Variants in CACTIN observed in about 807,000 individuals in gnomAD.
The protein encoded by CACTIN is cactin, spliceosome C complex subunit.
In CACTIN, 20 loss-of-function variants were observed where a neutral mutation model predicts 84.9. The ratio of observed to expected loss-of-function variants is 0.24; its 90% CI spans 0.17 to 0.34. CACTIN has a LOEUF of 0.34. Ranked by LOEUF, CACTIN falls within the 10% of genes least tolerant of loss-of-function variation. The pLI is 1.00. For missense variants in CACTIN, 897 were observed against 1,117.2 expected (o/e 0.80, Z 2.81); for synonymous variants, 549 against 467.9 (o/e 1.17, Z -2.24).
At chr19:3,620,603 C>T (rs971429445) in intron 3 of CACTIN, 104 bp downstream of exon 3, 2 of 873,678 alleles carry the variant, frequency 2.3e-6, no homozygotes, top group Non-Finnish European at 3.5e-6. Context: ...CTGAAGCCAG[C>T]CCCCAGGACT....
chr19:3,618,428 G>T (rs567333392), intron 6 of CACTIN, among the ~76,000 whole-genome samples: 1 of 152,220 alleles, frequency 6.6e-6, no homozygotes, highest in Non-Finnish European at 1.5e-5. Flanking sequence ...ACACGGAGGG[G>T]GGGGAAACGT....
At chr19:3,612,929 A>C in intron 9 of CACTIN, 129 bp downstream of exon 9, 1 of 1,148,456 alleles carries the variant, frequency 8.7e-7, no homozygotes, top group Non-Finnish European at 1.3e-6. Flanking sequence ...ACGCTCAGAG[A>C]CCCGGGGGAG....
At chr19:3,612,486 C>A in intron 9 of CACTIN, 73 bp from the exon 10 acceptor site, 1 of 1,477,482 alleles carries the variant, frequency 6.8e-7, no homozygotes, top group Non-Finnish European at 8.9e-7. Flanking sequence ...GCCTCTCTGG[C>A]AGGGGCGGCC....
chr19:3,617,805 G>A (rs1210656454), intron 6 of CACTIN, among the ~76,000 whole-genome samples: 1 of 152,208 alleles, frequency 6.6e-6, no homozygotes. Flanking sequence ...CTCTGATGCT[G>A]GAGAACTGCC....
Position 3,610,995 on chromosome 19 carries a change from G to A in CACTIN, c.*928C>T, listed in dbSNP as rs1349840208. 6 of 456,264 alleles carry A rather than the reference G, an allele frequency of 1.3e-5. No individual in the cohort carries two copies. Among genetic ancestry groups the A allele is most frequent in the Admixed American group, 4.7e-5 (2 of 42,528 alleles). 28.3% of individuals were successfully genotyped at this position (456,264 alleles called of 1,614,324 possible). On this transcript the variant is annotated 3_prime_UTR_variant, in exon 10 of 10. Transcript: ENST00000429344. The stretch of plus-strand genomic sequence containing the variant: ...GCCTGAGAAAGGGGAGTGAGAAGGA[G>A]CCACTGTCCTGATATGGGCAAAACT...
At position 3,624,029 on chromosome 19, in the gene CACTIN, G is replaced by C; in HGVS notation, c.301C>G (p.Arg101Gly). Residue 101 changes from arginine (R) to glycine (G), a missense_variant, in exon 2 of 10, where the codon CGC becomes GGC. Physicochemically the swap from Arg to Gly is moderately radical, Grantham distance 125 (BLOSUM62 -2). Around this residue, in one of 8 missense-constraint regions of CACTIN, gnomAD observed 261 missense variants for 243.8 expected, o/e 1.07. Coordinates refer to ENST00000429344, the MANE Select transcript of CACTIN (RefSeq NM_001080543.2). ...GEEQSRGQWA[R>G]RRRRARSWSP... ...CACGAGCGTGCGCGCCGTCGCCGGC[G>C]AGCCCACTGGCCCCGTGACTGCTCC... 6.2e-7 allele frequency: 1 copy of C among 1,605,396 alleles called. No homozygotes were observed. The highest frequency in any genetic ancestry group is 8.5e-7 in the Non-Finnish European group (1 of 1,179,648).
intron 2 of CACTIN, 95 bp from the exon 3 acceptor site, chr19:3,620,897 T>C: frequency 1.0e-6 from 1 of 985,552 alleles, no homozygotes; most frequent in Non-Finnish European, 1.6e-6. Context: ...GGGCCCTTGT[T>C]TTGCAGAGAG....
chr19:3,624,265 T>G, intron 1 of CACTIN, 103 bp from the exon 2 acceptor site: 2 of 1,103,412 alleles, frequency 1.8e-6, no homozygotes, highest in South Asian at 3.0e-5. Flanking sequence ...TTCTAGGTTC[T>G]GGGGACACAG....
chr19:3,617,173 G>A (rs1373650195), intron 6 of CACTIN, among the ~76,000 whole-genome samples: 4 of 152,170 alleles, frequency 2.6e-5, no homozygotes, highest in Non-Finnish European at 5.9e-5. Context: ...CAGCTTCTAG[G>A]GAGGCTGAGG....
Position 3,611,298 on chromosome 19 carries a change from G to C in CACTIN, c.*625C>G, listed in dbSNP as rs1017068725. The C allele has an allele frequency of 9.0e-5, 41 of 455,224 alleles. No homozygotes were observed. The highest frequency in any genetic ancestry group is 7.8e-4 in the African/African-American group (39 of 50,034). 28.2% of individuals were successfully genotyped at this position (455,224 alleles called of 1,614,324 possible). A position where few individuals can be genotyped will look rare whatever the true frequency, so the allele number is the denominator to read the frequency against. On this transcript the variant is annotated 3_prime_UTR_variant, in exon 10 of 10. Transcript: ENST00000429344. ...GGGGGCCAGTCCCTGCAGAGTGTGG[G>C]TGTCCACAGAGGGTCTCTTCTGCAG...
Position 3,626,673 on chromosome 19 carries a change from C to CCTGCTCCGACTT in CACTIN, c.78_89dup (p.Arg28_Ser31dup). 1 of 1,530,040 alleles carries CCTGCTCCGACTT rather than the reference C, an allele frequency of 6.5e-7. No individual in the cohort carries two copies. The highest frequency in any genetic ancestry group is 8.7e-7 in the Non-Finnish European group (1 of 1,147,418). 94.8% of individuals were successfully genotyped at this position (1,530,040 alleles called of 1,614,324 possible). ...GCCGTCGGTTTCGCCGCCCATGGCTCCTGCTCCGACTTCGGCTCCCGCTCT... is the reference window on the plus strand; with the variant it reads ...GCCGTCGGTTTCGCCGCCCATGGCTCCTGCTCCGACTTCTGCTCCGACTTCGGCTCCCGCTCT... On this transcript the variant is annotated inframe_insertion, in exon 1 of 10. Transcript: ENST00000429344.
intron 6 of CACTIN, among the ~76,000 whole-genome samples, chr19:3,618,478 C>T (rs959914793): frequency 6.6e-6 from 1 of 152,234 alleles, no homozygotes; most frequent in Non-Finnish European, 1.5e-5. Context: ...CACGAACTGA[C>T]GCACGGGACA....
At chr19:3,624,705 C>T (rs1422088780) in intron 1 of CACTIN, among the ~76,000 whole-genome samples, 1 of 151,986 alleles carries the variant, frequency 6.6e-6, no homozygotes, top group African/African-American at 2.4e-5. Flanking sequence ...GGGACCCGAA[C>T]ACATTTAGGC....
chr19:3,613,257 CCCGTCG>C lies in CACTIN; in HGVS notation c.1581_1586del (p.Asp530_Gly531del), dbSNP rs752506521. ...CGCCCTCGCCCTCGCCCTCACCGTC[CCCGTCG>C]CCGTCGCCCTCTGTCGGGGTCGCGC... On this transcript the variant is annotated inframe_deletion, in exon 9 of 10. Transcript: ENST00000429344. 82 of 1,604,140 alleles carry C rather than the reference CCCGTCG, an allele frequency of 5.1e-5. No homozygotes were observed. Among genetic ancestry groups the C allele is most frequent in the Middle Eastern group, 5.0e-4 (3 of 6,026 alleles).
intron 5 of CACTIN, 36 bp downstream of exon 5, chr19:3,619,044 G>T: frequency 6.5e-7 from 1 of 1,549,940 alleles, no homozygotes; most frequent in Non-Finnish European, 8.7e-7. Context: ...GGGGGTGAGG[G>T]TGCAGGTCAG....
chr19:3,620,090 A>G, intron 4 of CACTIN, 37 bp downstream of exon 4: 1 of 1,604,020 alleles, frequency 6.2e-7, no homozygotes, highest in Non-Finnish European at 8.5e-7. Context: ...CCCTGGCTCC[A>G]AGTCTGGGTC....
At chr19:3,623,565 G>T in intron 2 of CACTIN, 123 bp downstream of exon 2, 1 of 797,592 alleles carries the variant, frequency 1.3e-6, no homozygotes, top group Non-Finnish European at 2.0e-6. Flanking sequence ...GCTTGCTTAT[G>T]CGTGTGTGTG....
chr19:3,620,845 C>A, intron 2 of CACTIN, 43 bp from the exon 3 acceptor site: 1 of 1,485,696 alleles, frequency 6.7e-7, no homozygotes, highest in Non-Finnish European at 9.3e-7. Context: ...AGACCCGCCC[C>A]CTCGCCCCCC....
chr19:3,614,920 T>TAGTTCCC, intron 6 of CACTIN: 2 of 399,262 alleles, frequency 5.0e-6, no homozygotes, highest in Non-Finnish European at 9.5e-6. Context: ...CTGGGAACCC[T>TAGTTCCC]AGTTGTGGGC....
Sources: gnomAD v4.1 joint callset for allele counts (sites outside exome capture counted in the v4.1 genomes callset) on GRCh38, gnomAD v4.1.1 for gene constraint, gnomAD v4.1.1 regional missense constraint, MANE v1.5 for transcripts, NCBI Gene and HGNC (gene_info 2026-07-23, HGNC 2026-07-21) for gene names.